The following PAFAH2 variants were observed in gnomAD, a reference collection of about 807,000 sequenced individuals.
PAFAH2 encodes the protein platelet-activating factor acetylhydrolase 2, cytoplasmic.
Under a neutral mutation model 49.0 loss-of-function variants are expected in PAFAH2, and 42 were observed. That is an observed-to-expected ratio of 0.86 (90% CI 0.67 to 1.11). PAFAH2 has a LOEUF of 1.11. Among genes scored for constraint, PAFAH2 ranks in the 50% least tolerant of loss-of-function variants. The probability of loss-of-function intolerance (pLI) is 0.00; values close to 1 mark genes in which losing one functional copy is unlikely to be tolerated. For missense variants in PAFAH2, 503 were observed against 501.8 expected, an observed-to-expected ratio of 1.00 and a Z score of -0.02; for synonymous variants, 184 against 181.3, an observed-to-expected ratio of 1.01 and a Z score of -0.12.
intron 7 of PAFAH2, among the ~76,000 whole-genome samples, chr1:25,980,379 A>G (rs990352553): frequency 6.6e-6 from 1 of 151,726 alleles, no homozygotes; most frequent in Non-Finnish European, 1.5e-5. Context: ...CTGGAGTACA[A>G]TGGCGCGATC....
chr1:25,987,217 G>A (rs11247838), intron 4 of PAFAH2, among the ~76,000 whole-genome samples: 81,158 of 150,510 alleles, frequency 0.54, 24,830 homozygotes, highest in East Asian at 0.7. Context: ...CTGGGCGACT[G>A]ATCGAGACTC....
chr1:25,984,847 T>TC (rs1276145023), intron 4 of PAFAH2, among the ~76,000 whole-genome samples: 1 of 89,242 alleles, frequency 1.1e-5, no homozygotes, highest in Admixed American at 1.1e-4. Flanking sequence ...AGAGATTTCT[T>TC]TTTTTTTTTT....
chr1:25,981,952 C>T (rs750010642), intron 7 of PAFAH2, among the ~76,000 whole-genome samples: 135 of 151,108 alleles, frequency 8.9e-4, no homozygotes, highest in Admixed American at 1.5e-3. Context: ...ACCCGGGAGG[C>T]GGAGGTTGCA....
chr1:25,988,122 C>T (rs1386479987), intron 4 of PAFAH2, 109 bp downstream of exon 4: 2 of 704,790 alleles, frequency 2.8e-6, no homozygotes, highest in Non-Finnish European at 4.8e-6. Flanking sequence ...GGAGATAAGA[C>T]AGCTAGCAGA....
intron 1 of PAFAH2, among the ~76,000 whole-genome samples, chr1:25,996,389 G>A (rs1212144994): frequency 2.0e-5 from 3 of 151,714 alleles, no homozygotes; most frequent in Admixed American, 6.6e-5. Flanking sequence ...ACTATGGGCC[G>A]GGCGCGGTGG....
intron 7 of PAFAH2, among the ~76,000 whole-genome samples, chr1:25,980,277 G>C (rs995379137): frequency 1.2e-4 from 18 of 152,208 alleles, no homozygotes; most frequent in African/African-American, 4.1e-4. Flanking sequence ...AAGTTTGTGG[G>C]AGGAGCTCTT....
At chr1:25,984,811 G>C (rs2049755120) in intron 4 of PAFAH2, among the ~76,000 whole-genome samples, 1 of 151,554 alleles carries the variant, frequency 6.6e-6, no homozygotes, top group Non-Finnish European at 1.5e-5. Context: ...TTCTAGGGAA[G>C]GCAGTGAACT....
At position 25,962,035 on chromosome 1, in the gene PAFAH2, C is replaced by T. The variant is rs1162961502; in HGVS notation, c.1133G>A (p.Gly378Glu). 1 of 1,613,966 alleles carries T rather than the reference C, an allele frequency of 6.2e-7. No homozygotes were observed. Among genetic ancestry groups the T allele is most frequent in the Non-Finnish European group, 8.5e-7 (1 of 1,179,974 alleles). Residue 378 changes from glycine (G) to glutamate (E), a missense_variant, in exon 11 of 11, where the codon GGA becomes GAA. By Grantham distance (98) the Gly-to-Glu change is moderately conservative. Transcript: ENST00000374282. ...NQWNNLIEGIGPSLTPGAPHH... is the reference protein window; with the variant it reads ...NQWNNLIEGIEPSLTPGAPHH... ...GGGGGCCCCTGGGGTGAGCGACGGT[C>T]CAATGCCTTCAATAAGGTTGTTCCA...
chr1:25,978,226 T>C (rs570347293), intron 7 of PAFAH2, among the ~76,000 whole-genome samples: 3 of 152,206 alleles, frequency 2.0e-5, no homozygotes, highest in African/African-American at 7.2e-5. Context: ...GGTTAATATA[T>C]TCATATACCT....
At chr1:25,990,432 G>A (rs2049855316) in intron 2 of PAFAH2, among the ~76,000 whole-genome samples, 1 of 152,114 alleles carries the variant, frequency 6.6e-6, no homozygotes, top group Non-Finnish European at 1.5e-5. Context: ...TCCAAGATCA[G>A]GCATCTGCCC....
intron 5 of PAFAH2, 84 bp from the exon 6 acceptor site, chr1:25,984,171 A>G: frequency 1.3e-6 from 2 of 1,500,606 alleles, no homozygotes; most frequent in South Asian, 2.3e-5. Flanking sequence ...CCTTTCATCC[A>G]GGAGGCTCTA....
chr1:25,983,819 G>T, intron 6 of PAFAH2, 127 bp downstream of exon 6: 1 of 1,027,230 alleles, frequency 9.7e-7, no homozygotes. Flanking sequence ...TATTTCCACT[G>T]ATGTGGCAAA....
chr1:25,991,129 A>T (rs1476930602), intron 1 of PAFAH2, among the ~76,000 whole-genome samples: 1 of 152,212 alleles, frequency 6.6e-6, no homozygotes, highest in Non-Finnish European at 1.5e-5. Flanking sequence ...ATGTTTATCC[A>T]GCAGCTACTG....
At chr1:25,963,879 G>A (rs1420282922) in intron 10 of PAFAH2, among the ~76,000 whole-genome samples, 1 of 152,142 alleles carries the variant, frequency 6.6e-6, no homozygotes, top group Non-Finnish European at 1.5e-5. Context: ...GAAGGAAGTG[G>A]GAGTGTGCCA....
At chr1:25,992,073 T>C (rs6598938) in intron 1 of PAFAH2, among the ~76,000 whole-genome samples, 81,678 of 151,994 alleles carry the variant, frequency 0.54, 24,962 homozygotes, top group East Asian at 0.7. Flanking sequence ...GATGCAAAGT[T>C]ACTGAACTAA....
At chr1:25,974,353 G>T in intron 9 of PAFAH2, 127 bp downstream of exon 9, 1 of 634,530 alleles carries the variant, frequency 1.6e-6, no homozygotes, top group Non-Finnish European at 2.5e-6. Flanking sequence ...TTTAGACTTT[G>T]CAATTCAGGA....
intron 7 of PAFAH2, among the ~76,000 whole-genome samples, chr1:25,978,339 C>T (rs190152173): frequency 7.2e-5 from 11 of 152,226 alleles, no homozygotes; most frequent in Non-Finnish European, 1.3e-4. Context: ...CTTATGTGCC[C>T]CTAAGGAGAT....
chr1:25,996,547 C>G (rs2124376936), intron 1 of PAFAH2, among the ~76,000 whole-genome samples: 1 of 151,972 alleles, frequency 6.6e-6, no homozygotes, highest in Middle Eastern at 3.4e-3. Flanking sequence ...GAGGCTGAAG[C>G]AGGAGAATGG....
At chr1:25,997,225 G>A (rs1234995882) in intron 1 of PAFAH2, among the ~76,000 whole-genome samples, 2 of 152,210 alleles carry the variant, frequency 1.3e-5, no homozygotes, top group East Asian at 1.9e-4. Flanking sequence ...TTGGTCTCTG[G>A]AGGAAGTGAG....
Sources: allele counts gnomAD v4.1 joint callset (sites outside exome capture counted in the v4.1 genomes callset), GRCh38; gene constraint gnomAD v4.1.1; transcripts MANE v1.5; gene names NCBI Gene and HGNC (gene_info 2026-07-23, HGNC 2026-07-21).